YEATS2: variants seen among roughly 807,000 people sequenced by gnomAD.
YEATS2 encodes YEATS domain containing 2.
In YEATS2, 77 loss-of-function variants were observed where a neutral mutation model predicts 163.2. The observed-to-expected ratio is 0.47, with a 90% confidence interval of 0.39 to 0.57. YEATS2 has a LOEUF of 0.57. Among genes scored for constraint, YEATS2 ranks in the 20% least tolerant of loss-of-function variants. YEATS2 has a pLI of 0.00. For missense variants in YEATS2, 1,549 were observed against 1,729.8 expected (o/e 0.90, Z 1.85); for synonymous variants, 631 against 645.1 (o/e 0.98, Z 0.33).
intron 2 of YEATS2, among the ~76,000 whole-genome samples, chr3:183,715,614 G>A (rs1715770667): frequency 6.6e-6 from 1 of 152,132 alleles, no homozygotes; most frequent in East Asian, 1.9e-4. Flanking sequence ...ATTTTAATAG[G>A]TAACATTTTA....
rs1176641933 is a variant in YEATS2, at chr3:183,798,847, A to C, written c.3227-44A>C. 2.0e-6 allele frequency: 3 copies of C among 1,476,752 alleles called. No individual in the cohort carries two copies. The African/African-American group carries it at 4.2e-5, about 20-fold the overall frequency. The allele number at this position is 1,476,752 out of a possible 1,614,324, so 91.5% of individuals were successfully genotyped here. On this transcript the variant is annotated intron_variant, in intron 22 of 30. Transcript: ENST00000305135. ...GAAGTAGATCACCCTCATTAAAAAT[A>C]ATTTTTGTATTTGTTATATCCCTCC...
At chr3:183,699,924 G>A (rs566132469) in intron 1 of YEATS2, among the ~76,000 whole-genome samples, 1 of 152,114 alleles carries the variant, frequency 6.6e-6, no homozygotes, top group Non-Finnish European at 1.5e-5. Context: ...GGTGGGAACC[G>A]GATGTGAGGA....
At chr3:183,773,454 T>C (rs568282069) in intron 16 of YEATS2, among the ~76,000 whole-genome samples, 179 bp from the exon 17 acceptor site, 1 of 152,380 alleles carries the variant, frequency 6.6e-6, no homozygotes, top group Non-Finnish European at 1.5e-5. Flanking sequence ...AAATTATTTT[T>C]TAATTAGCAA....
intron 25 of YEATS2, chr3:183,802,519 A>ATATATATATACATGTG (rs1725775821): frequency 6.4e-5 from 4 of 62,364 alleles, no homozygotes; most frequent in South Asian, 6.3e-4. Flanking sequence ...GTATACATGT[A>ATATATATATACATGTG]TATATATATA....
chr3:183,803,363 G>C, intron 26 of YEATS2, 28 bp downstream of exon 26: 1 of 1,594,102 alleles, frequency 6.3e-7, no homozygotes, highest in Non-Finnish European at 8.6e-7. Flanking sequence ...GTCCACTCTG[G>C]CTGCCTCCAG....
intron 8 of YEATS2, among the ~76,000 whole-genome samples, chr3:183,740,907 ACTT>A (rs1313706380): frequency 6.6e-6 from 1 of 152,024 alleles, no homozygotes; most frequent in African/African-American, 2.4e-5. Context: ...CATAGGATTG[ACTT>A]CTTGTTAGGG....
At chr3:183,720,402 C>G (rs752042029) in intron 4 of YEATS2, among the ~76,000 whole-genome samples, 12 of 152,020 alleles carry the variant, frequency 7.9e-5, no homozygotes, top group Non-Finnish European at 1.3e-4. Flanking sequence ...TTTCTTTTTC[C>G]TAAGTGTTTT....
Position 183,728,702 on chromosome 3 carries a change from G to A in YEATS2, c.663G>A (p.Pro221=), listed in dbSNP as rs754682316. ...TCTTCTTCTCTAGGTATATACCTCCGGATAAGAGGGAAGAAAATGACCAGT... is the reference window on the plus strand; with the variant it reads ...TCTTCTTCTCTAGGTATATACCTCCAGATAAGAGGGAAGAAAATGACCAGT... The part of the protein sequence containing the change: ...VVGNVSKYIP[P]DKREENDQST... Residue 221 remains proline (P), a synonymous_variant, in exon 7 of 31, where the codon CCG becomes CCA. Coordinates refer to ENST00000305135, the MANE Select transcript of YEATS2 (RefSeq NM_018023.5). 7 of 1,609,222 alleles carry A rather than the reference G, an allele frequency of 4.3e-6. No individual in the cohort carries two copies. Among genetic ancestry groups the A allele is most frequent in the Non-Finnish European group, 5.1e-6 (6 of 1,178,442 alleles).
At chr3:183,716,828 T>C (rs1715930864) in intron 2 of YEATS2, among the ~76,000 whole-genome samples, 1 of 152,158 alleles carries the variant, frequency 6.6e-6, no homozygotes, top group Admixed American at 6.6e-5. Context: ...AATGCTAACC[T>C]TTCTCCCCCC....
At position 183,786,297 on chromosome 3, in the gene YEATS2, A is replaced by T; in HGVS notation, c.2909A>T (p.Gln970Leu). The T allele has an allele frequency of 6.2e-7, 1 of 1,606,436 alleles. No homozygotes were observed. Among genetic ancestry groups the T allele is most frequent in the Non-Finnish European group, 8.5e-7 (1 of 1,174,294 alleles). ...AVALSANGPA[Q>L]QSEGMAPVSS... ...GCCCTCTCAGCAAACGGTCCTGCAC[A>T]ACAGGTGAGAAATAGCATGTCAGTA... The change falls in exon 20 of 31, where the codon CAA becomes CTA. Residue 970 changes from glutamine to leucine, a missense_variant. Gln to Leu is a moderately radical substitution (Grantham distance 113, BLOSUM62 -2). Transcript: ENST00000305135.
At chr3:183,800,740 C>G (rs1725593889) in intron 24 of YEATS2, among the ~76,000 whole-genome samples, 172 bp downstream of exon 24, 1 of 152,218 alleles carries the variant, frequency 6.6e-6, no homozygotes, top group Non-Finnish European at 1.5e-5. Context: ...TGAGGGTCAT[C>G]ATTTTATACA....
At chr3:183,712,713 C>A (rs1015122322) in intron 1 of YEATS2, among the ~76,000 whole-genome samples, 1 of 152,028 alleles carries the variant, frequency 6.6e-6, no homozygotes. Context: ...AAGGGAGCCA[C>A]CAGCCACAAG....
Position 183,771,542 on chromosome 3 carries a change from C to CTTTTTTTTTTTTTTTTT in YEATS2, c.1948-763_1948-762insTTTTTTTTTTTTTTTTT, listed in dbSNP as rs1722462151. On this transcript the variant is annotated intron_variant, in intron 15 of 30. Coordinates refer to ENST00000305135, the MANE Select transcript of YEATS2 (RefSeq NM_018023.5). ...TTTTAATAGTTAAATATTATTCTTG[C>CTTTTTTTTTTTTTTTTT]CTTTTTTTTTTTTTTTTTTTTTTCT... Among the ~76,000 whole-genome samples the CTTTTTTTTTTTTTTTTT allele has an allele frequency of 1.6e-4, 10 of 60,814 alleles. 1 individual carries two copies. Among genetic ancestry groups the CTTTTTTTTTTTTTTTTT allele is most frequent in the African/African-American group, 3.9e-4 (4 of 10,298 alleles). The allele number at this position is 60,814 out of a possible 152,430, so 39.9% of individuals were successfully genotyped here.
chr3:183,774,463 T>C (rs1420592258), intron 17 of YEATS2, among the ~76,000 whole-genome samples: 2 of 152,174 alleles, frequency 1.3e-5, no homozygotes, highest in Admixed American at 1.3e-4. Flanking sequence ...TTGTCTTCCA[T>C]GAAACTGGTC....
At chr3:183,774,807 G>A (rs1722806228) in intron 17 of YEATS2, among the ~76,000 whole-genome samples, 1 of 152,150 alleles carries the variant, frequency 6.6e-6, no homozygotes, top group Non-Finnish European at 1.5e-5. Flanking sequence ...ACCATGATGT[G>A]TCAGTTCCAC....
chr3:183,760,791 A>G (rs1721269661), intron 13 of YEATS2, among the ~76,000 whole-genome samples: 1 of 152,206 alleles, frequency 6.6e-6, no homozygotes, highest in Admixed American at 6.5e-5. Context: ...CTATTAAAAG[A>G]GAGTATATAC....
In YEATS2 at chr3:183,788,166, T is replaced by C. The variant is rs558623308; in HGVS notation, c.2913+1865T>C. On this transcript the variant is annotated intron_variant, in intron 20 of 30. Coordinates refer to ENST00000305135, the MANE Select transcript of YEATS2 (RefSeq NM_018023.5). Reference sequence around the variant, plus strand: ...TATCTTTTTTTTAAACCAATTGTATTCTTTGTGACTGTAAAATATATAAGA... The same window carrying C: ...TATCTTTTTTTTAAACCAATTGTATCCTTTGTGACTGTAAAATATATAAGA... 1.6e-4 allele frequency among the ~76,000 whole-genome samples: 25 copies of C among 152,270 alleles called. No individual in the cohort carries two copies. In the South Asian group the frequency reaches 5.2e-3, roughly 32 times the overall value.
intron 9 of YEATS2, among the ~76,000 whole-genome samples, chr3:183,750,510 C>T (rs78276567): frequency 0.026 from 3,986 of 152,284 alleles, 165 homozygotes; most frequent in African/African-American, 0.09. Flanking sequence ...TATATTTTTT[C>T]GTGGTAGCCG....
rs559786946 is a variant in YEATS2, at chr3:183,797,818, G to A, written c.3098-105G>A. On this transcript the variant is annotated intron_variant, in intron 21 of 30. Coordinates refer to ENST00000305135, the MANE Select transcript of YEATS2 (RefSeq NM_018023.5). ...CTCTTTGTTTACTGGAAGGTTAAAT[G>A]TCCTGGGAACTTCCTCCATGACAAA... 4.4e-5 allele frequency: 65 copies of A among 1,467,116 alleles called. 1 individual carries two copies. In the South Asian group the frequency reaches 5.7e-4, roughly 13 times the overall value. The allele number at this position is 1,467,116 out of a possible 1,614,324, so 90.9% of individuals were successfully genotyped here.
Sources: gnomAD v4.1 joint callset for allele counts (sites outside exome capture counted in the v4.1 genomes callset) on GRCh38, gnomAD v4.1.1 for gene constraint, MANE v1.5 for transcripts, NCBI Gene and HGNC (gene_info 2026-07-23, HGNC 2026-07-21) for gene names.